SH3PXD2A: variants seen among roughly 807,000 people sequenced by gnomAD.
SH3PXD2A encodes SH3 and PX domains 2A, also known as SH3 and PX domain-containing protein 2A.
SH3PXD2A carries 32 observed loss-of-function variants against 115.2 expected under a neutral mutation model. That is an observed-to-expected ratio of 0.28 (90% CI 0.21 to 0.37). The LOEUF is 0.37. Among genes scored for constraint, SH3PXD2A ranks in the 10% least tolerant of loss-of-function variants. The probability of loss-of-function intolerance (pLI) is 1.00; values close to 1 mark genes in which losing one functional copy is unlikely to be tolerated. For missense variants in SH3PXD2A, 1,328 were observed against 1,498.7 expected, an observed-to-expected ratio of 0.89 and a Z score of 1.88; for synonymous variants, 610 against 629.1, an observed-to-expected ratio of 0.97 and a Z score of 0.45.
Position 103,603,482 on chromosome 10 carries a change from C to T in SH3PXD2A, c.1736G>A (p.Arg579Lys). ...GGCAGGCCGCCTCTCCCCTGAGGCT[C>T]TGTCCTCCACGGGCTCCTCGCTCAG... ...PELSEEPVED[R>K]ASGERRPAQP... is the part of the protein sequence containing the mutation. Residue 579 changes from arginine to lysine, a missense_variant, in exon 15 of 15, where the codon AGA becomes AAA. Around this residue, in one of 5 missense-constraint regions of SH3PXD2A, gnomAD observed 509 missense variants for 628.3 expected, o/e 0.81. Transcript: ENST00000369774. 5 of 1,611,398 alleles carry T rather than the reference C, an allele frequency of 3.1e-6. No individual in the cohort carries two copies. The highest frequency in any genetic ancestry group is 4.2e-6 in the Non-Finnish European group (5 of 1,178,688).
intron 1 of SH3PXD2A, among the ~76,000 whole-genome samples, chr10:103,838,138 T>C (rs2039563775): frequency 6.6e-6 from 1 of 152,162 alleles, no homozygotes; most frequent in African/African-American, 2.4e-5. Context: ...GCCCTTCCTC[T>C]AGAACATGCC....
intron 7 of SH3PXD2A, among the ~76,000 whole-genome samples, chr10:103,668,109 G>A (rs2037408352): frequency 6.6e-6 from 1 of 152,228 alleles, no homozygotes; most frequent in South Asian, 2.1e-4. Context: ...CTGGAAATGA[G>A]GGTTGGGTGT....
At chr10:103,641,903 G>C (rs1425816327) in intron 8 of SH3PXD2A, among the ~76,000 whole-genome samples, 1 of 152,064 alleles carries the variant, frequency 6.6e-6, no homozygotes, top group Non-Finnish European at 1.5e-5. Flanking sequence ...CCAAACCTCA[G>C]GTATTTCCAC....
intron 3 of SH3PXD2A, among the ~76,000 whole-genome samples, chr10:103,744,229 C>T (rs1175424438): frequency 2.6e-5 from 4 of 151,682 alleles, no homozygotes; most frequent in Admixed American, 6.6e-5. Flanking sequence ...TCTCGGCTCA[C>T]CGCAACCTCC....
At chr10:103,748,013 T>C (rs2038527617) in intron 3 of SH3PXD2A, among the ~76,000 whole-genome samples, 1 of 152,030 alleles carries the variant, frequency 6.6e-6, no homozygotes, top group African/African-American at 2.4e-5. Flanking sequence ...GTCAACTCTC[T>C]TCATCAACCT....
chr10:103,661,360 C>CGGGCAGGAGGAGGAGGAAAGAGAG (rs2037298536), intron 7 of SH3PXD2A, among the ~76,000 whole-genome samples: 1 of 152,156 alleles, frequency 6.6e-6, no homozygotes, highest in Non-Finnish European at 1.5e-5. Flanking sequence ...GGGGAGGGGA[C>CGGGCAGGAGGAGGAGGAAAGAGAG]GGGCAGGAGG....
intron 3 of SH3PXD2A, among the ~76,000 whole-genome samples, chr10:103,738,811 C>T (rs1477430259): frequency 6.6e-5 from 10 of 150,770 alleles, no homozygotes; most frequent in African/African-American, 1.7e-4. Context: ...TTTTTTTTCC[C>T]GAGACGGAGT....
intron 2 of SH3PXD2A, among the ~76,000 whole-genome samples, chr10:103,774,614 T>C (rs1589449821): frequency 6.6e-6 from 1 of 152,358 alleles, no homozygotes; most frequent in Non-Finnish European, 1.5e-5. Context: ...GTGGCTAATA[T>C]GCTGTAGAGA....
At position 103,627,076 on chromosome 10, in the gene SH3PXD2A, T is replaced by TG; in HGVS notation, c.718+12dup. On this transcript the variant is annotated intron_variant, in intron 9 of 14. Coordinates refer to ENST00000369774, the MANE Select transcript of SH3PXD2A (RefSeq NM_001394015.1). The surrounding 1 kb of genome is among the most constrained non-coding windows in gnomAD (Gnocchi z 4.4). Reference sequence around the variant, plus strand: ...CGCGTTGCTCCCTGCCCCTTGGACCTGCAAGCCCTCACCTTCTCCAGTCTT... The same window carrying TG: ...CGCGTTGCTCCCTGCCCCTTGGACCTGGCAAGCCCTCACCTTCTCCAGTCTT... 6.6e-7 allele frequency: 1 copy of TG among 1,513,758 alleles called. No individual in the cohort carries two copies. The highest frequency in any genetic ancestry group is 9.2e-7 in the Non-Finnish European group (1 of 1,088,428). 93.8% of individuals were successfully genotyped at this position (1,513,758 alleles called of 1,614,324 possible). A position where few individuals can be genotyped will look rare whatever the true frequency, so the allele number is the denominator to read the frequency against.
At chr10:103,650,764 C>T (rs534762069) in intron 8 of SH3PXD2A, among the ~76,000 whole-genome samples, 1 of 115,200 alleles carries the variant, frequency 8.7e-6, no homozygotes, top group South Asian at 2.9e-4. Context: ...CTCCAGTCCT[C>T]AGCCACACTT....
At chr10:103,741,689 A>G (rs12414928) in intron 3 of SH3PXD2A, among the ~76,000 whole-genome samples, 13,737 of 152,288 alleles carry the variant, frequency 0.09, 683 homozygotes, top group South Asian at 0.14. Context: ...AAGGGAGAGC[A>G]CAGGTGGGCC....
At chr10:103,647,965 C>T (rs1288423962) in intron 8 of SH3PXD2A, among the ~76,000 whole-genome samples, 1 of 152,070 alleles carries the variant, frequency 6.6e-6, no homozygotes, top group Non-Finnish European at 1.5e-5. Flanking sequence ...GGATGAGAAT[C>T]TCCTATTCTG....
chr10:103,736,413 T>A (rs1426897967), intron 3 of SH3PXD2A, among the ~76,000 whole-genome samples: 1 of 152,238 alleles, frequency 6.6e-6, no homozygotes, highest in East Asian at 1.9e-4. Context: ...TGGGCAAGGC[T>A]TACAGGAAAT....
chr10:103,701,142 CACT>C (rs1179908815), intron 5 of SH3PXD2A, among the ~76,000 whole-genome samples: 1 of 34,156 alleles, frequency 2.9e-5, no homozygotes. Context: ...ATCATCCATC[CACT>C]ATCCATCCAT....
At chr10:103,778,263 C>T (rs765596682) in intron 2 of SH3PXD2A, among the ~76,000 whole-genome samples, 2 of 152,114 alleles carry the variant, frequency 1.3e-5, no homozygotes, top group African/African-American at 2.4e-5. Context: ...ATCCGGGAGG[C>T]GGAGTTTGCA....
At chr10:103,699,692 G>C (rs765108227) in intron 5 of SH3PXD2A, among the ~76,000 whole-genome samples, 9 of 152,296 alleles carry the variant, frequency 5.9e-5, no homozygotes, top group Non-Finnish European at 1.0e-4. Flanking sequence ...TCCAGAGGCA[G>C]CAACCTCCAG....
chr10:103,796,295 TGA>T (rs2039087732), intron 2 of SH3PXD2A, among the ~76,000 whole-genome samples: 1 of 150,988 alleles, frequency 6.6e-6, no homozygotes, highest in Non-Finnish European at 1.5e-5. Context: ...CCTGGGAGGC[TGA>T]GGCTTCAGTG....
chr10:103,711,270 TG>T (rs1329011408), intron 5 of SH3PXD2A, among the ~76,000 whole-genome samples: 1 of 152,242 alleles, frequency 6.6e-6, no homozygotes, highest in Non-Finnish European at 1.5e-5. Flanking sequence ...GGAATTTCCC[TG>T]GGTAGAAAGT....
chr10:103,649,326 T>C (rs1592281614), intron 8 of SH3PXD2A, among the ~76,000 whole-genome samples: 1 of 152,178 alleles, frequency 6.6e-6, no homozygotes, highest in South Asian at 2.1e-4. Context: ...AGAGGTGAAG[T>C]GGCTTGCCTG....
Sources: gnomAD v4.1 joint callset for allele counts (sites outside exome capture counted in the v4.1 genomes callset) on GRCh38, gnomAD v4.1.1 for gene constraint, gnomAD v4.1.1 regional missense constraint, Gnocchi (gnomAD v3.1) non-coding constraint, MANE v1.5 for transcripts, NCBI Gene and HGNC (gene_info 2026-07-23, HGNC 2026-07-21) for gene names.